SMCHD1: variants seen among roughly 807,000 people sequenced by gnomAD.
SMCHD1 encodes the protein structural maintenance of chromosomes flexible hinge domain-containing protein 1.
In SMCHD1, 78 loss-of-function variants were observed where a neutral mutation model predicts 254.7. The ratio of observed to expected loss-of-function variants is 0.31; its 90% CI spans 0.26 to 0.37. SMCHD1 has a LOEUF of 0.37. SMCHD1 is among the 10% of genes least tolerant of loss of function. The probability of loss-of-function intolerance (pLI) is 1.00; values close to 1 mark genes in which losing one functional copy is unlikely to be tolerated. For synonymous variants in SMCHD1, 766 were observed against 794.9 expected, an observed-to-expected ratio of 0.96 and a Z score of 0.61; for missense variants, 1,840 against 2,408.1, an observed-to-expected ratio of 0.76 and a Z score of 4.94.
chr18:2,751,617 T>G (rs1017755043), intron 33 of SMCHD1, among the ~76,000 whole-genome samples: 2 of 152,128 alleles, frequency 1.3e-5, no homozygotes, highest in African/African-American at 4.8e-5. Flanking sequence ...TCTTAACATT[T>G]TAAGATGCCT....
chr18:2,782,764 A>C (rs895381435), intron 44 of SMCHD1, among the ~76,000 whole-genome samples: 186 of 150,568 alleles, frequency 1.2e-3, no homozygotes, highest in African/African-American at 4.1e-3. Flanking sequence ...AAAAAAAAAA[A>C]AAAAAAAAGA....
In SMCHD1 at chr18:2,708,323, A is replaced by T. The variant is rs181713987; in HGVS notation, c.2260+403A>T. On this transcript the variant is annotated intron_variant, in intron 17 of 47. Coordinates refer to ENST00000320876, the MANE Select transcript of SMCHD1 (RefSeq NM_015295.3). Reference sequence around the variant, plus strand: ...AAAATTAAAGTGTCTTCAGGACTGCATTTCTTCCTGGAGGTTCTGGGTGAG... The same window carrying T: ...AAAATTAAAGTGTCTTCAGGACTGCTTTTCTTCCTGGAGGTTCTGGGTGAG... Among the ~76,000 whole-genome samples the T allele has an allele frequency of 5.3e-4, 81 of 152,110 alleles. No homozygotes were observed. In the East Asian group the frequency reaches 0.011, roughly 20 times the overall value.
intron 17 of SMCHD1, among the ~76,000 whole-genome samples, chr18:2,713,756 G>A (rs1190995896): frequency 6.6e-6 from 1 of 152,112 alleles, no homozygotes; most frequent in South Asian, 2.1e-4. Flanking sequence ...AGAGTAAGCT[G>A]TTTGATCCAA....
At chr18:2,742,689 C>A (rs1457501334) in intron 28 of SMCHD1, among the ~76,000 whole-genome samples, 1 of 151,950 alleles carries the variant, frequency 6.6e-6, no homozygotes, top group Non-Finnish European at 1.5e-5. Context: ...TTTAATTTTT[C>A]GAAACAGGAT....
chr18:2,763,847 C>G, intron 37 of SMCHD1, 58 bp downstream of exon 37: 1 of 1,451,124 alleles, frequency 6.9e-7, no homozygotes, highest in Non-Finnish European at 9.4e-7. Flanking sequence ...TTTTAACCAC[C>G]ATATTAAGAC....
chr18:2,755,305 T>C (rs1308766996), intron 34 of SMCHD1, among the ~76,000 whole-genome samples: 4 of 152,080 alleles, frequency 2.6e-5, no homozygotes, highest in Non-Finnish European at 5.9e-5. Flanking sequence ...ACCAACTAGC[T>C]GGGACTATGG....
chr18:2,697,169 G>A, intron 9 of SMCHD1, 47 bp downstream of exon 9: 1 of 959,308 alleles, frequency 1.0e-6, no homozygotes, highest in Non-Finnish European at 1.5e-6. Context: ...TGAGATATTT[G>A]TTCCAGTTCC....
intron 13 of SMCHD1, 30 bp from the exon 14 acceptor site, chr18:2,705,664 C>T: frequency 1.3e-5 from 12 of 896,090 alleles, no homozygotes; most frequent in Admixed American, 5.9e-5. Context: ...AATACTGAAG[C>T]TTTTTTTTTT....
intron 25 of SMCHD1, among the ~76,000 whole-genome samples, chr18:2,733,468 G>A (rs1006560993): frequency 6.6e-6 from 1 of 152,214 alleles, no homozygotes; most frequent in Non-Finnish European, 1.5e-5. Context: ...GTGGAAGGAA[G>A]GTTATCTGAA....
chr18:2,687,703 T>C (rs1356756072), intron 5 of SMCHD1, among the ~76,000 whole-genome samples: 1 of 152,238 alleles, frequency 6.6e-6, no homozygotes. Context: ...CATTTATGTC[T>C]TTTAACGCCA....
chr18:2,695,606 G>C (rs190507932), intron 8 of SMCHD1, among the ~76,000 whole-genome samples: 1 of 151,958 alleles, frequency 6.6e-6, no homozygotes, highest in African/African-American at 2.4e-5. Flanking sequence ...CATCGCGCCC[G>C]GCCTAAAATT....
chr18:2,672,253 G>A (rs1380085022), intron 3 of SMCHD1, among the ~76,000 whole-genome samples: 6 of 152,032 alleles, frequency 3.9e-5, no homozygotes, highest in Admixed American at 3.9e-4. Flanking sequence ...TTGAGATAGA[G>A]TCTCGCTCTG....
At chr18:2,713,362 CT>C (rs1166990099) in intron 17 of SMCHD1, among the ~76,000 whole-genome samples, 4 of 152,158 alleles carry the variant, frequency 2.6e-5, no homozygotes, top group Admixed American at 6.5e-5. Flanking sequence ...TAATTGCACC[CT>C]TTTTTTAAAG....
At chr18:2,763,859 C>A (rs1405098669) in intron 37 of SMCHD1, 70 bp downstream of exon 37, 7 of 1,404,262 alleles carry the variant, frequency 5.0e-6, no homozygotes, top group Admixed American at 4.5e-5. Context: ...TATTAAGACA[C>A]CTTTTCTTTT....
intron 5 of SMCHD1, among the ~76,000 whole-genome samples, chr18:2,681,361 C>T (rs1216762672): frequency 2.1e-5 from 3 of 142,440 alleles, no homozygotes; most frequent in South Asian, 2.2e-4. Flanking sequence ...TGCAATGAGC[C>T]GAGATTGCGC....
In SMCHD1 at chr18:2,760,728, A is replaced by G; in HGVS notation, c.4423A>G (p.Asn1475Asp). 1 of 1,598,276 alleles carries G rather than the reference A, an allele frequency of 6.3e-7. No homozygotes were observed. Among genetic ancestry groups the G allele is most frequent in the African/African-American group, 1.3e-5 (1 of 74,698 alleles). ...GFMMDKTNIL[N>D]SEQVIVEVLP... ...TATGATGGATAAAACAAATATTCTC[A>G]ACAGTGAACAGGTTTGCTTACTTTT... Residue 1475 changes from asparagine to aspartate, a missense_variant, in exon 35 of 48, where the codon AAC becomes GAC. Around this residue, in one of 9 missense-constraint regions of SMCHD1, gnomAD observed 881 missense variants for 1,009.5 expected, o/e 0.87. Coordinates refer to ENST00000320876, the MANE Select transcript of SMCHD1 (RefSeq NM_015295.3).
Position 2,697,863 on chromosome 18 carries a change from G to A in SMCHD1, c.1164G>A (p.Lys388=), listed in dbSNP as rs778279069. ...ISMFEKGKVP[K]IVNLREIQDD... ...TGTTTGAAAAAGGGAAGGTACCTAA[G>A]ATTGTCAACCTAAGGGAAATACAAG... Residue 388 remains lysine (K), a synonymous_variant, in exon 10 of 48, where the codon AAG becomes AAA. Coordinates refer to ENST00000320876, the MANE Select transcript of SMCHD1 (RefSeq NM_015295.3). 4.6e-5 allele frequency: 75 copies of A among 1,613,090 alleles called. 1 individual carries two copies. The South Asian group carries it at 7.5e-4, about 16-fold the overall frequency.
At chr18:2,777,064 C>CA (rs1377005441) in intron 42 of SMCHD1, among the ~76,000 whole-genome samples, 7 of 67,516 alleles carry the variant, frequency 1.0e-4, no homozygotes, top group Admixed American at 5.4e-4. Flanking sequence ...CCACCACCTC[C>CA]CCCCCCCATA....
At chr18:2,708,401 A>G (rs982389816) in intron 17 of SMCHD1, among the ~76,000 whole-genome samples, 1 of 152,064 alleles carries the variant, frequency 6.6e-6, no homozygotes, top group Non-Finnish European at 1.5e-5. Context: ...TGGTGGCACG[A>G]GCCTATATAG....
Sources: allele counts gnomAD v4.1 joint callset (sites outside exome capture counted in the v4.1 genomes callset), GRCh38; gene constraint gnomAD v4.1.1; regional missense constraint gnomAD v4.1.1; transcripts MANE v1.5; gene names NCBI Gene and HGNC (gene_info 2026-07-23, HGNC 2026-07-21).